The following SUMF2 variants were observed in gnomAD, a reference collection of about 807,000 sequenced individuals.
SUMF2 encodes sulfatase modifying factor 2.
SUMF2 carries 45 observed loss-of-function variants against 44.8 expected under a neutral mutation model. The observed-to-expected ratio is 1.00, with a 90% CI of 0.79 to 1.29. The LOEUF (loss-of-function observed/expected upper bound fraction) is 1.29. Among genes scored for constraint, SUMF2 ranks in the 50% most tolerant of loss-of-function variants. SUMF2 has a pLI of 0.00. For synonymous variants in SUMF2, 148 were observed against 150.4 expected, an observed-to-expected ratio of 0.98 and a Z score of 0.12; for missense variants, 418 against 389.9, an observed-to-expected ratio of 1.07 and a Z score of -0.61.
At chr7:56,084,343 C>T (rs1796158075), downstream of SUMF2, 1 of 659,306 alleles carries the variant, frequency 1.5e-6, no homozygotes, top group Admixed American at 2.8e-5. Context: ...GACCCCAGAC[C>T]CAGATCAGAA....
the SUMF2 span, among the ~76,000 whole-genome samples, chr7:56,086,566 T>G: frequency 6.6e-6 from 1 of 151,418 alleles, no homozygotes; most frequent in Non-Finnish European, 1.5e-5. Context: ...TCGGCTCACT[T>G]CAACCTCCGC....
chr7:56,083,613 T>C, downstream of SUMF2: 1 of 1,553,420 alleles, frequency 6.4e-7, no homozygotes, highest in Non-Finnish European at 8.8e-7. Flanking sequence ...CTAAGCCACG[T>C]GGGAGGGAGC....
intron 2 of SUMF2, among the ~76,000 whole-genome samples, chr7:56,069,568 A>G (rs978289383): frequency 6.6e-6 from 1 of 151,966 alleles, no homozygotes; most frequent in African/African-American, 2.4e-5. Flanking sequence ...ACCATACCAA[A>G]GTATATGAAA....
the SUMF2 span, chr7:56,086,937 C>T: frequency 2.5e-6 from 4 of 1,577,578 alleles, no homozygotes; most frequent in East Asian, 4.5e-5. Context: ...GAGGTTCTCT[C>T]AGGTGTGGCT....
At chr7:56,082,131 G>A, downstream of SUMF2, 3 of 1,612,450 alleles carry the variant, frequency 1.9e-6, no homozygotes, top group Non-Finnish European at 2.5e-6. Context: ...GCCCAGCCTA[G>A]CTGGGTGCTC....
chr7:56,074,361 G>A, intron 4 of SUMF2, 143 bp downstream of exon 4: 6 of 1,056,026 alleles, frequency 5.7e-6, no homozygotes, highest in Middle Eastern at 3.1e-4. Flanking sequence ...CGCTCAGCAG[G>A]CCTGTTTCAC....
At chr7:56,085,170 A>T (rs1796200768), downstream of SUMF2, among the ~76,000 whole-genome samples, 2 of 152,154 alleles carry the variant, frequency 1.3e-5, no homozygotes, top group South Asian at 4.1e-4. Context: ...CATGTTGCCC[A>T]GGCTGGTCTC....
At chr7:56,081,951 C>G, downstream of SUMF2, 1 of 1,613,902 alleles carries the variant, frequency 6.2e-7, no homozygotes, top group Non-Finnish European at 8.5e-7. The surrounding 1 kb of genome is among the most constrained non-coding windows in gnomAD (Gnocchi z 4.6). Flanking sequence ...CTGGTAGTTG[C>G]CGCTCATGAT....
chr7:56,080,785 A>C (rs1376031773), downstream of SUMF2: 1 of 512,474 alleles, frequency 2.0e-6, no homozygotes, highest in East Asian at 3.5e-5. Flanking sequence ...TAGGAAGTAG[A>C]GGAGCAGGGG....
downstream of SUMF2, chr7:56,081,334 C>T (rs1562875755): frequency 4.4e-6 from 7 of 1,575,854 alleles, no homozygotes; most frequent in Non-Finnish European, 3.4e-6. This position sits in a 1 kb window ranked among gnomAD's most constrained non-coding sequence, Gnocchi z 4.6. Context: ...GGCTGCAGCC[C>T]CCGCCCTGCC....
At chr7:56,072,401 G>A (rs1053595964) in intron 2 of SUMF2, among the ~76,000 whole-genome samples, 1 of 152,034 alleles carries the variant, frequency 6.6e-6, no homozygotes, top group African/African-American at 2.4e-5. Context: ...ACTCCAGCCT[G>A]GGCAACAGAG....
At chr7:56,066,183 CCAAAGA>C in intron 1 of SUMF2, among the ~76,000 whole-genome samples, 1 of 151,454 alleles carries the variant, frequency 6.6e-6, no homozygotes, top group East Asian at 1.9e-4. Context: ...AATAAGAGAT[CCAAAGA>C]TAGGATCTTG....
At chr7:56,079,057 A>G in intron 8 of SUMF2, 2 of 543,812 alleles carry the variant, frequency 3.7e-6, no homozygotes, top group East Asian at 3.0e-5. Flanking sequence ...TAATTTTTGT[A>G]GAGATGAGTT....
chr7:56,081,221 C>A (rs753474163), downstream of SUMF2: 10 of 1,613,622 alleles, frequency 6.2e-6, no homozygotes, highest in African/African-American at 1.3e-4. The surrounding 1 kb of genome is among the most constrained non-coding windows in gnomAD (Gnocchi z 4.6). Flanking sequence ...TCTCGGATGA[C>A]GATCTCCCGG....
intron 1 of SUMF2, 94 bp from the exon 2 acceptor site, chr7:56,068,387 TG>T (rs749902577): frequency 1.2e-4 from 150 of 1,247,124 alleles, no homozygotes; most frequent in Non-Finnish European, 1.5e-4. Flanking sequence ...TGTTGTGTTT[TG>T]TTATACCATC....
rs142246011 is a variant in SUMF2, at chr7:56,072,948, G to T, written c.225-49G>T. 6 of 1,407,142 alleles carry T rather than the reference G, an allele frequency of 4.3e-6. No homozygotes were observed. In the South Asian group the frequency reaches 7.2e-5, roughly 17 times the overall value. The allele number at this position is 1,407,142 out of a possible 1,614,324, so 87.2% of individuals were successfully genotyped here. Reference sequence around the variant, plus strand: ...GTTTCCTGGAGCAGGAGAAGATGGGGTGGGCACAGAACCTCACCAGCTGAA... The same window carrying T: ...GTTTCCTGGAGCAGGAGAAGATGGGTTGGGCACAGAACCTCACCAGCTGAA... On this transcript the variant is annotated intron_variant, in intron 2 of 8. Coordinates refer to ENST00000434526, the MANE Select transcript of SUMF2 (RefSeq NM_015411.4).
chr7:56,064,397 C>T lies in SUMF2; in HGVS notation c.67+19C>T, dbSNP rs772759519. 6.3e-7 allele frequency: 1 copy of T among 1,594,680 alleles called. No homozygotes were observed. The highest frequency in any genetic ancestry group is 1.8e-5 in the Admixed American group (1 of 56,636). ...AAGCTAGGTCAGTGAACCGGCCGTC[C>T]ATCCTGGGGGCGCTGGGAAGGGGAT... On this transcript the variant is annotated intron_variant, in intron 1 of 8. Coordinates refer to ENST00000434526, the MANE Select transcript of SUMF2 (RefSeq NM_015411.4).
At chr7:56,083,668 A>C, downstream of SUMF2, 1 of 1,585,152 alleles carries the variant, frequency 6.3e-7, no homozygotes. Flanking sequence ...CTTCTCACTC[A>C]AGGTGACCTT....
chr7:56,081,281 G>A, downstream of SUMF2: 1 of 1,610,702 alleles, frequency 6.2e-7, no homozygotes, highest in Non-Finnish European at 8.5e-7. This position sits in a 1 kb window ranked among gnomAD's most constrained non-coding sequence, Gnocchi z 4.6. Flanking sequence ...ACTGAAGCCA[G>A]CACGGTCAGA....
Sources: allele counts gnomAD v4.1 joint callset (sites outside exome capture counted in the v4.1 genomes callset), GRCh38; gene constraint gnomAD v4.1.1; non-coding constraint Gnocchi (gnomAD v3.1); transcripts MANE v1.5; gene names NCBI Gene and HGNC (gene_info 2026-07-23, HGNC 2026-07-21).